NBEA: variants seen among roughly 807,000 people sequenced by gnomAD.
The protein encoded by NBEA is lysosomal-trafficking regulator 2.
Under a neutral mutation model 343.4 loss-of-function variants are expected in NBEA, and 44 were observed. That is an observed-to-expected ratio of 0.13 (90% CI 0.10 to 0.16). NBEA has a LOEUF of 0.16. Among genes scored for constraint, NBEA ranks in the 10% least tolerant of loss-of-function variants. The probability of loss-of-function intolerance (pLI) is 1.00; values close to 1 mark genes in which losing one functional copy is unlikely to be tolerated. For synonymous variants in NBEA, 1,175 were observed against 1,238.7 expected (o/e 0.95, Z 1.08); for missense variants, 2,555 against 3,631.3 (o/e 0.70, Z 7.62).
intron 8 of NBEA, among the ~76,000 whole-genome samples, chr13:35,065,866 G>A (rs1056460320): frequency 5.9e-5 from 9 of 151,872 alleles, no homozygotes; most frequent in African/African-American, 2.2e-4. Context: ...ATCCCAGTTT[G>A]GACAGATAAT....
intron 40 of NBEA, among the ~76,000 whole-genome samples, chr13:35,471,079 G>A (rs1439813739): frequency 6.6e-6 from 1 of 152,180 alleles, no homozygotes; most frequent in African/African-American, 2.4e-5. Context: ...GTCTGGCCCG[G>A]GCAGTCCCGA....
At chr13:35,092,754 A>G (rs181011615) in intron 10 of NBEA, among the ~76,000 whole-genome samples, 306 of 152,144 alleles carry the variant, frequency 2.0e-3, no homozygotes, top group Admixed American at 5.7e-3. Context: ...GGGATTGCCA[A>G]ATGGTTCAGC....
intron 18 of NBEA, among the ~76,000 whole-genome samples, chr13:35,149,959 G>A (rs1338694269): frequency 3.9e-5 from 6 of 152,140 alleles, no homozygotes; most frequent in Admixed American, 6.5e-5. Context: ...ATACTCCTGT[G>A]TATACCTAGT....
intron 13 of NBEA, among the ~76,000 whole-genome samples, chr13:35,112,306 A>T (rs1186831946): frequency 2.6e-5 from 4 of 151,958 alleles, no homozygotes; most frequent in African/African-American, 9.7e-5. Context: ...TAAGTTAGTA[A>T]TGCCTAAAAT....
At chr13:35,288,316 A>T (rs2035576677) in intron 34 of NBEA, among the ~76,000 whole-genome samples, 1 of 151,932 alleles carries the variant, frequency 6.6e-6, no homozygotes, top group Non-Finnish European at 1.5e-5. Flanking sequence ...TAGGTCTTTC[A>T]AATTTGCCTC....
At chr13:35,261,877 C>G (rs531112294) in intron 34 of NBEA, among the ~76,000 whole-genome samples, 1 of 152,242 alleles carries the variant, frequency 6.6e-6, no homozygotes, top group South Asian at 2.1e-4. Flanking sequence ...AGAAATTCAG[C>G]TAACCATGAG....
intron 38 of NBEA, among the ~76,000 whole-genome samples, chr13:35,384,848 AATC>A (rs2152894781): frequency 6.6e-6 from 1 of 152,116 alleles, no homozygotes; most frequent in African/African-American, 2.4e-5. Context: ...ACTTATTTTC[AATC>A]ATCTTCATTT....
intron 34 of NBEA, among the ~76,000 whole-genome samples, chr13:35,248,568 G>T (rs2031537525): frequency 6.6e-6 from 1 of 151,692 alleles, no homozygotes; most frequent in Non-Finnish European, 1.5e-5. Flanking sequence ...CAACGGAATA[G>T]AATCTCTAGC....
chr13:35,070,794 C>G lies in NBEA; in HGVS notation c.1513C>G (p.Leu505Val). The G allele has an allele frequency of 1.9e-6, 3 of 1,610,224 alleles. No individual in the cohort carries two copies. The highest frequency in any genetic ancestry group is 2.5e-6 in the Non-Finnish European group (3 of 1,178,768). The change falls in exon 10 of 59, where the codon CTT (leucine) becomes GTT (valine). Residue 505 changes from leucine (L) to valine (V), a missense_variant. Leu to Val is a conservative substitution (Grantham distance 32). Transcript: ENST00000379939. ...SIGGIQVLFP[L>V]FAQLDNRQLN... ...TGGAGGGATTCAAGTGCTTTTTCCA[C>G]TTTTTGCCCAATTGGATAATAGGCA...
chr13:35,195,604 C>G (rs898684806), intron 30 of NBEA, among the ~76,000 whole-genome samples: 3 of 151,908 alleles, frequency 2.0e-5, no homozygotes, highest in Non-Finnish European at 4.4e-5. Context: ...GCCATGTTGG[C>G]CAGGCTGGTC....
At chr13:35,454,488 C>T (rs1410384693) in intron 40 of NBEA, among the ~76,000 whole-genome samples, 1 of 152,128 alleles carries the variant, frequency 6.6e-6, no homozygotes, top group Non-Finnish European at 1.5e-5. Context: ...CTGTCTTACT[C>T]ATAACATGTC....
Position 35,392,409 on chromosome 13 carries a change from A to G in NBEA, c.6180-39860A>G, listed in dbSNP as rs2042545856. Among the ~76,000 whole-genome samples, 9 of 151,892 alleles carry G rather than the reference A, an allele frequency of 5.9e-5. 1 individual carries two copies. Among genetic ancestry groups the G allele is most frequent in the Admixed American group, 5.9e-4 (9 of 15,242 alleles). On this transcript the variant is annotated intron_variant, in intron 38 of 58. Coordinates refer to ENST00000379939, the MANE Select transcript of NBEA (RefSeq NM_001385012.1). ...AAGCCCTGAAGTATGTAAATTTTGT[A>G]ATATGCCTATAGGAAACATCTGGTG... is the stretch of plus-strand genomic sequence containing the variant.
chr13:34,946,310 A>C (rs1743981134), intron 1 of NBEA, among the ~76,000 whole-genome samples: 1 of 152,158 alleles, frequency 6.6e-6, no homozygotes, highest in African/African-American at 2.4e-5. Context: ...CGTACTACCT[A>C]ATCTATTACT....
chr13:35,286,587 A>G (rs1052496845), intron 34 of NBEA, among the ~76,000 whole-genome samples: 14 of 152,156 alleles, frequency 9.2e-5, no homozygotes, highest in African/African-American at 3.4e-4. Flanking sequence ...AATTCAACAG[A>G]TGTAAAAAGT....
chr13:35,519,396 G>A (rs1242393712), intron 41 of NBEA, among the ~76,000 whole-genome samples: 2 of 152,030 alleles, frequency 1.3e-5, no homozygotes, highest in African/African-American at 4.8e-5. Context: ...TTAAAGGTGG[G>A]ATCATACAAG....
chr13:35,456,092 G>A (rs1180382100), intron 40 of NBEA, among the ~76,000 whole-genome samples: 1 of 151,888 alleles, frequency 6.6e-6, no homozygotes, highest in Non-Finnish European at 1.5e-5. Context: ...AATCAATCTG[G>A]TAAGTTAAAA....
chr13:35,457,526 A>G (rs1025168189), intron 40 of NBEA, among the ~76,000 whole-genome samples: 10 of 152,304 alleles, frequency 6.6e-5, no homozygotes, highest in Admixed American at 6.5e-4. Context: ...TTGCATACAA[A>G]TGGAATCATA....
intron 12 of NBEA, among the ~76,000 whole-genome samples, chr13:35,110,333 G>A (rs756191656): frequency 6.6e-6 from 1 of 151,764 alleles, no homozygotes; most frequent in South Asian, 2.1e-4. Context: ...TTGTGAAAGC[G>A]AACTATATGT....
chr13:35,555,614 A>C (rs577126281), intron 44 of NBEA, among the ~76,000 whole-genome samples: 1 of 152,236 alleles, frequency 6.6e-6, no homozygotes, highest in African/African-American at 2.4e-5. Context: ...CCATGCTTGC[A>C]AATCAAAAGG....
Sources: allele counts gnomAD v4.1 joint callset (sites outside exome capture counted in the v4.1 genomes callset), GRCh38; gene constraint gnomAD v4.1.1; transcripts MANE v1.5; gene names NCBI Gene and HGNC (gene_info 2026-07-23, HGNC 2026-07-21).